Variants in PLEKHA5 observed in about 807,000 individuals in gnomAD.
PLEKHA5 encodes pleckstrin homology domain-containing family A member 5.
PLEKHA5 carries 55 observed loss-of-function variants against 181.9 expected under a neutral mutation model. The ratio of observed to expected loss-of-function variants is 0.30; its 90% CI spans 0.24 to 0.38. The LOEUF is 0.38. Ranked by LOEUF, PLEKHA5 falls within the 10% of genes least tolerant of loss-of-function variation. PLEKHA5 has a pLI of 1.00. For synonymous variants in PLEKHA5, 535 were observed against 529.4 expected (o/e 1.01, Z -0.15); for missense variants, 1,432 against 1,549.5 (o/e 0.92, Z 1.27).
chr12:19,253,769 G>A (rs940866436), intron 3 of PLEKHA5, among the ~76,000 whole-genome samples, 171 bp from the exon 4 acceptor site: 3 of 151,978 alleles, frequency 2.0e-5, no homozygotes, highest in Admixed American at 6.6e-5. Context: ...GTAGTAAGCC[G>A]AGAATGCGCC....
rs2068598387 is a variant in PLEKHA5 at position 19,261,829 on chromosome 12, G to A, written c.610+808G>A. Reference sequence around the variant, plus strand: ...TTAGCAGTTTCTACATTTTTTGACTGCACAAAAGACCGGTAGCAAAATTTA... The same window carrying A: ...TTAGCAGTTTCTACATTTTTTGACTACACAAAAGACCGGTAGCAAAATTTA... On this transcript the variant is annotated intron_variant, in intron 7 of 31. Transcript: ENST00000429027. Among the ~76,000 whole-genome samples the A allele has an allele frequency of 4.6e-5, 7 of 152,294 alleles. No homozygotes were observed. In the South Asian group the frequency reaches 1.5e-3, roughly 32 times the overall value.
chr12:19,264,002 G>T (rs945448331), intron 7 of PLEKHA5, among the ~76,000 whole-genome samples: 3 of 152,150 alleles, frequency 2.0e-5, no homozygotes, highest in Non-Finnish European at 2.9e-5. Flanking sequence ...ACAGAAGAAT[G>T]TCATGATTAG....
chr12:19,342,431 C>T (rs1475642508), intron 21 of PLEKHA5, among the ~76,000 whole-genome samples: 2 of 151,910 alleles, frequency 1.3e-5, no homozygotes. Flanking sequence ...CTGAGGAGAG[C>T]GGATCACCTG....
At chr12:19,146,129 A>G (rs1394824050) in intron 3 of PLEKHA5, among the ~76,000 whole-genome samples, 1 of 152,158 alleles carries the variant, frequency 6.6e-6, no homozygotes, top group Non-Finnish European at 1.5e-5. Context: ...TGGTTTTCCT[A>G]TTTGGTTTAC....
intron 10 of PLEKHA5, among the ~76,000 whole-genome samples, chr12:19,271,863 G>A (rs374259136): frequency 6.6e-5 from 10 of 152,256 alleles, no homozygotes; most frequent in Admixed American, 2.0e-4. Flanking sequence ...CTTAGAGTCC[G>A]TTATCCTGTA....
chr12:19,238,350 T>C (rs899428281), intron 3 of PLEKHA5, among the ~76,000 whole-genome samples: 4 of 152,090 alleles, frequency 2.6e-5, no homozygotes, highest in African/African-American at 9.7e-5. Flanking sequence ...TAACAAGTTT[T>C]AGGAATTAAC....
intron 3 of PLEKHA5, among the ~76,000 whole-genome samples, chr12:19,233,914 G>A (rs1043877115): frequency 6.6e-6 from 1 of 152,166 alleles, no homozygotes; most frequent in East Asian, 1.9e-4. Context: ...TAGCTCTCAC[G>A]AAGTAGTGGA....
At chr12:19,357,104 A>G (rs890124836) in intron 26 of PLEKHA5, among the ~76,000 whole-genome samples, 2 of 152,178 alleles carry the variant, frequency 1.3e-5, no homozygotes, top group Non-Finnish European at 2.9e-5. Context: ...ATCAAAATAA[A>G]AGAAATCTCT....
At chr12:19,256,657 A>C (rs2066961276) in intron 5 of PLEKHA5, among the ~76,000 whole-genome samples, 1 of 152,212 alleles carries the variant, frequency 6.6e-6, no homozygotes, top group Admixed American at 6.5e-5. Context: ...AAAGCTTCCC[A>C]AAACAAAATT....
Position 19,359,665 on chromosome 12 carries a change from GA to G in PLEKHA5, c.3483+125del, listed in dbSNP as rs1273763515. On this transcript the variant is annotated intron_variant, in intron 28 of 31. Coordinates refer to ENST00000429027, the MANE Select transcript of PLEKHA5 (RefSeq NM_001256470.2). The stretch of plus-strand genomic sequence containing the variant: ...AGTCACAGAGTCCATAGAGCTAAAT[GA>G]AAAAATAAGCTTTCTGGCCGGGCGC... 2.9e-6 allele frequency: 3 copies of G among 1,039,612 alleles called. No homozygotes were observed. In the South Asian group the frequency reaches 4.9e-5, roughly 17 times the overall value. 64.4% of individuals were successfully genotyped at this position (1,039,612 alleles called of 1,614,324 possible).
chr12:19,292,209 G>A (rs35951867), intron 15 of PLEKHA5, among the ~76,000 whole-genome samples: 19,961 of 151,584 alleles, frequency 0.13, 1,529 homozygotes, highest in Admixed American at 0.22. Flanking sequence ...AGTTCGAGAC[G>A]AGGCTGGCCA....
intron 29 of PLEKHA5, among the ~76,000 whole-genome samples, chr12:19,364,634 G>T (rs188812579): frequency 6.6e-6 from 1 of 151,916 alleles, no homozygotes; most frequent in Non-Finnish European, 1.5e-5. Context: ...TATATGAATG[G>T]GTCAACCCAA....
intron 3 of PLEKHA5, among the ~76,000 whole-genome samples, chr12:19,228,155 C>G (rs2059947454): frequency 6.6e-6 from 1 of 152,166 alleles, no homozygotes; most frequent in African/African-American, 2.4e-5. Flanking sequence ...CTCCATGTGA[C>G]TTATGGTCCT....
chr12:19,238,784 G>A (rs1471187712), intron 3 of PLEKHA5, among the ~76,000 whole-genome samples: 4 of 62,698 alleles, frequency 6.4e-5, no homozygotes, highest in Non-Finnish European at 1.1e-4. Context: ...GTATGAACAG[G>A]AAATTAAATC....
chr12:19,361,594 G>A lies in PLEKHA5; in HGVS notation c.3496G>A (p.Glu1166Lys), dbSNP rs1167152375. 10 of 1,490,786 alleles carry A rather than the reference G, an allele frequency of 6.7e-6. No homozygotes were observed. The highest frequency in any genetic ancestry group is 9.2e-6 in the Non-Finnish European group (10 of 1,085,438). 92.3% of individuals were successfully genotyped at this position (1,490,786 alleles called of 1,614,324 possible). A position where few individuals can be genotyped will look rare whatever the true frequency, so the allele number is the denominator to read the frequency against. ...TTTTATTCTACAGTTAAAAAAAACT[G>A]AAAACATTTCATATGAAATGCTTTT... ...VDFSKELKKT[E>K]NISYEMLFEP... The change falls in exon 29 of 32, where the codon GAA (glutamate) becomes AAA (lysine). Residue 1166 changes from glutamate (E) to lysine (K), a missense_variant. Physicochemically the swap from Glu to Lys is moderately conservative, Grantham distance 56. This residue lies in a region of PLEKHA5 where 1,143 missense variants were observed against 1,168.4 expected (regional missense o/e 0.98). Transcript: ENST00000429027.
chr12:19,307,371 C>T, intron 15 of PLEKHA5: 1 of 274,716 alleles, frequency 3.6e-6, no homozygotes, highest in Non-Finnish European at 6.9e-6. Flanking sequence ...ACTTAGGAGG[C>T]TGAGGCAGGA....
At chr12:19,330,752 G>A (rs544809317) in intron 20 of PLEKHA5, among the ~76,000 whole-genome samples, 2 of 152,196 alleles carry the variant, frequency 1.3e-5, no homozygotes, top group Admixed American at 6.5e-5. Context: ...TGTTATGGTG[G>A]AGTATTAGTG....
chr12:19,208,437 C>T (rs1377752940), intron 3 of PLEKHA5, among the ~76,000 whole-genome samples: 14 of 151,698 alleles, frequency 9.2e-5, no homozygotes, highest in Admixed American at 7.2e-4. Context: ...TTTTTTCACT[C>T]GAATTTAAAC....
chr12:19,250,879 A>G (rs1009135460), intron 3 of PLEKHA5, among the ~76,000 whole-genome samples: 2 of 152,176 alleles, frequency 1.3e-5, no homozygotes, highest in African/African-American at 4.8e-5. Context: ...AAATCTGGAA[A>G]CAAAAAACGC....
Sources: gnomAD v4.1 joint callset for allele counts (sites outside exome capture counted in the v4.1 genomes callset) on GRCh38, gnomAD v4.1.1 for gene constraint, gnomAD v4.1.1 regional missense constraint, MANE v1.5 for transcripts, NCBI Gene and HGNC (gene_info 2026-07-23, HGNC 2026-07-21) for gene names.